Variants in ARHGAP26 observed in about 807,000 individuals in gnomAD.
ARHGAP26 encodes rho GTPase-activating protein 26.
Under a neutral mutation model 104.8 loss-of-function variants are expected in ARHGAP26, and 38 were observed. That is an observed-to-expected ratio of 0.36 (90% confidence interval 0.28 to 0.48). The LOEUF is 0.48. Among genes scored for constraint, ARHGAP26 ranks in the 20% least tolerant of loss-of-function variants. The pLI is 0.99. For missense variants in ARHGAP26, 704 were observed against 947.9 expected (o/e 0.74, Z 3.38); for synonymous variants, 341 against 340.0 (o/e 1.00, Z -0.03).
chr5:143,016,481 G>T (rs2152824633), intron 12 of ARHGAP26, among the ~76,000 whole-genome samples: 1 of 152,192 alleles, frequency 6.6e-6, no homozygotes, highest in East Asian at 1.9e-4. Flanking sequence ...GAGGCGGGCG[G>T]ATCACAAGGT....
chr5:142,991,031 C>CT (rs1399663413), intron 11 of ARHGAP26, among the ~76,000 whole-genome samples: 5 of 152,326 alleles, frequency 3.3e-5, no homozygotes, highest in African/African-American at 1.2e-4. Flanking sequence ...TTTCTGCTGC[C>CT]TTTTTTTCAG....
intron 1 of ARHGAP26, among the ~76,000 whole-genome samples, chr5:142,848,670 A>G (rs1473164108): frequency 6.6e-6 from 1 of 152,190 alleles, no homozygotes; most frequent in Non-Finnish European, 1.5e-5. Flanking sequence ...TAGTGAGGCA[A>G]AGGATGGCAT....
chr5:143,038,837 G>A (rs746431921), intron 13 of ARHGAP26, among the ~76,000 whole-genome samples: 6 of 150,990 alleles, frequency 4.0e-5, no homozygotes, highest in African/African-American at 9.7e-5. Flanking sequence ...CTGGGATTAC[G>A]GGCACACACC....
chr5:143,094,622 G>A (rs1286999868), intron 17 of ARHGAP26, among the ~76,000 whole-genome samples: 1 of 152,248 alleles, frequency 6.6e-6, no homozygotes, highest in Non-Finnish European at 1.5e-5. Context: ...CCTTACAGAT[G>A]GAACAATGGT....
At chr5:142,879,305 G>C (rs914250133) in intron 3 of ARHGAP26, 69 bp from the exon 4 acceptor site, 2 of 1,416,270 alleles carry the variant, frequency 1.4e-6, no homozygotes, top group African/African-American at 1.4e-5. Context: ...TCTCATGCTG[G>C]AGCTGCTGTA....
At chr5:143,139,110 G>A (rs12522841) in intron 19 of ARHGAP26, among the ~76,000 whole-genome samples, 56,046 of 152,002 alleles carry the variant, frequency 0.37, 11,788 homozygotes, top group Middle Eastern at 0.48. Context: ...GGCATCTGCC[G>A]GTAAAATGCT....
intron 20 of ARHGAP26, chr5:143,147,664 A>G (rs2150983730): frequency 2.7e-6 from 1 of 368,268 alleles, no homozygotes; most frequent in East Asian, 4.4e-5. Context: ...GCTGGCTGCT[A>G]GGCATGAAAA....
chr5:142,941,503 C>T (rs1378561250), intron 11 of ARHGAP26, among the ~76,000 whole-genome samples: 2 of 152,180 alleles, frequency 1.3e-5, no homozygotes, highest in Admixed American at 1.3e-4. Flanking sequence ...TTATATGCTT[C>T]ATATTATTTT....
chr5:143,217,954 T>C (rs1810583294), intron 22 of ARHGAP26, among the ~76,000 whole-genome samples: 1 of 152,214 alleles, frequency 6.6e-6, no homozygotes, highest in Non-Finnish European at 1.5e-5. Context: ...AGGGCCTAGT[T>C]CCTACCCCTC....
chr5:142,858,554 C>T (rs10044036), intron 1 of ARHGAP26, among the ~76,000 whole-genome samples: 32,211 of 151,986 alleles, frequency 0.21, 3,851 homozygotes, highest in South Asian at 0.35. Context: ...TTCTTCTGAC[C>T]GAACTCTTAA....
chr5:142,901,167 G>A (rs532253539), intron 6 of ARHGAP26, among the ~76,000 whole-genome samples: 64 of 152,054 alleles, frequency 4.2e-4, no homozygotes, highest in Admixed American at 7.2e-4. Flanking sequence ...GCTCAGGGAG[G>A]GGACATTAAT....
intron 12 of ARHGAP26, among the ~76,000 whole-genome samples, chr5:143,034,606 A>T (rs1002350288): frequency 2.0e-5 from 3 of 152,296 alleles, no homozygotes; most frequent in African/African-American, 4.8e-5. Context: ...GCTAATGTGT[A>T]TGGGTTTTTG....
At chr5:142,918,269 C>T (rs567799634) in intron 10 of ARHGAP26, among the ~76,000 whole-genome samples, 1 of 152,244 alleles carries the variant, frequency 6.6e-6, no homozygotes, top group South Asian at 2.1e-4. Context: ...ACCTCATCCT[C>T]CTGAGTAGCT....
intron 14 of ARHGAP26, among the ~76,000 whole-genome samples, chr5:143,045,575 C>G (rs909435808): frequency 1.3e-5 from 2 of 152,138 alleles, no homozygotes; most frequent in African/African-American, 4.8e-5. Context: ...ATGGCTGGGC[C>G]GAGTGAACCT....
chr5:142,827,372 G>A (rs560859015), intron 1 of ARHGAP26, among the ~76,000 whole-genome samples: 19 of 152,292 alleles, frequency 1.2e-4, no homozygotes, highest in African/African-American at 4.1e-4. Flanking sequence ...TATTAGTTTG[G>A]GAGCTGAGTC....
intron 11 of ARHGAP26, among the ~76,000 whole-genome samples, chr5:143,006,630 T>C (rs1003024041): frequency 3.3e-5 from 5 of 152,180 alleles, no homozygotes; most frequent in African/African-American, 1.2e-4. Flanking sequence ...AGCCATCTTA[T>C]TTTTGCTCCA....
chr5:143,123,358 G>T (rs1796354999), intron 18 of ARHGAP26, among the ~76,000 whole-genome samples: 1 of 152,250 alleles, frequency 6.6e-6, no homozygotes, highest in Admixed American at 6.5e-5. Flanking sequence ...GAAGTAAGGA[G>T]ATGCTCCCTC....
At chr5:143,161,172 T>TGCGTTGTATTTTTAGCACCACACC (rs1277832850) in intron 20 of ARHGAP26, among the ~76,000 whole-genome samples, 2 of 151,922 alleles carry the variant, frequency 1.3e-5, no homozygotes, top group Non-Finnish European at 2.9e-5. Context: ...GCACCACACC[T>TGCGTTGTATTTTTAGCACCACACC]GGCTAACTGT....
Position 143,214,200 on chromosome 5 carries a change from G to C in ARHGAP26, c.2191+112G>C, listed in dbSNP as rs1809968634. ...CCGAGGGAAAATCTCAATACAATGG[G>C]TAAGAAAAAAAGTGTGTGTGCGTCT... On this transcript the variant is annotated intron_variant, in intron 22 of 22. Transcript: ENST00000645722. 9 of 704,674 alleles carry C rather than the reference G, an allele frequency of 1.3e-5. No homozygotes were observed. The African/African-American group carries it at 1.4e-4, about 11-fold the overall frequency. 43.7% of individuals were successfully genotyped at this position (704,674 alleles called of 1,614,324 possible).
Sources: gnomAD v4.1 joint callset for allele counts (sites outside exome capture counted in the v4.1 genomes callset) on GRCh38, gnomAD v4.1.1 for gene constraint, MANE v1.5 for transcripts, NCBI Gene and HGNC (gene_info 2026-07-23, HGNC 2026-07-21) for gene names.